SPECC1: variants seen among roughly 807,000 people sequenced by gnomAD.
SPECC1 encodes the protein cytospin-B.
Under a neutral mutation model 104.1 loss-of-function variants are expected in SPECC1, and 62 were observed. The observed-to-expected ratio is 0.60, with a 90% CI of 0.49 to 0.74. The LOEUF (loss-of-function observed/expected upper bound fraction) is 0.74. Among genes scored for constraint, SPECC1 ranks in the 30% least tolerant of loss-of-function variants. The pLI is 0.00. For missense variants in SPECC1, 1,306 were observed against 1,310.5 expected (o/e 1.00, Z 0.05); for synonymous variants, 513 against 501.6 (o/e 1.02, Z -0.30).
intron 12 of SPECC1, among the ~76,000 whole-genome samples, chr17:20,266,988 G>A (rs931751821): frequency 2.0e-5 from 3 of 152,152 alleles, no homozygotes; most frequent in African/African-American, 7.2e-5. Context: ...AGCAGCACTG[G>A]GAAGTGAGCA....
chr17:20,217,382 A>G (rs780025111), intron 4 of SPECC1, among the ~76,000 whole-genome samples: 16 of 151,950 alleles, frequency 1.1e-4, no homozygotes, highest in African/African-American at 2.2e-4. Flanking sequence ...ATGTGAAACA[A>G]CTGCTGATTT....
chr17:20,011,647 A>G (rs1468134258), intron 1 of SPECC1, among the ~76,000 whole-genome samples: 1 of 151,206 alleles, frequency 6.6e-6, no homozygotes, highest in Non-Finnish European at 1.5e-5. Context: ...TCTGTTTTTT[A>G]TCTTTCTACT....
chr17:20,214,080 T>G (rs2037334575), intron 4 of SPECC1, among the ~76,000 whole-genome samples: 2 of 152,124 alleles, frequency 1.3e-5, no homozygotes, highest in Admixed American at 1.3e-4. Context: ...ACCACAAATC[T>G]ATGTTTTGGC....
At chr17:20,203,751 G>T (rs963283828) in intron 3 of SPECC1, among the ~76,000 whole-genome samples, 12 of 152,194 alleles carry the variant, frequency 7.9e-5, no homozygotes, top group Non-Finnish European at 1.2e-4. Context: ...AACATTATCA[G>T]TGCAGATGTA....
intron 3 of SPECC1, chr17:20,185,010 C>T (rs1188053089): frequency 1.3e-5 from 2 of 152,262 alleles, no homozygotes; most frequent in Admixed American, 6.5e-5. Context: ...TAGCTGTCTT[C>T]ACTGTGTTTT....
chr17:20,170,115 A>G (rs749861534), intron 3 of SPECC1, among the ~76,000 whole-genome samples: 5 of 152,154 alleles, frequency 3.3e-5, no homozygotes, highest in African/African-American at 7.2e-5. Flanking sequence ...TCCTCCGTCC[A>G]GTTTGTCCGC....
intron 3 of SPECC1, among the ~76,000 whole-genome samples, chr17:20,198,518 A>T (rs969179758): frequency 5.9e-5 from 9 of 152,238 alleles, no homozygotes; most frequent in Non-Finnish European, 1.3e-4. Context: ...AGTCCTGTAC[A>T]TACCTGACTC....
chr17:20,101,863 G>A (rs943757512), intron 2 of SPECC1, among the ~76,000 whole-genome samples: 8 of 152,162 alleles, frequency 5.3e-5, no homozygotes, highest in African/African-American at 1.9e-4. Flanking sequence ...CACCAGTAAC[G>A]ACCAGATTAT....
chr17:20,201,574 C>A (rs1428695632), intron 3 of SPECC1, among the ~76,000 whole-genome samples: 1 of 152,204 alleles, frequency 6.6e-6, no homozygotes, highest in East Asian at 1.9e-4. Context: ...CCTGGACTCT[C>A]AGGTTTGCCT....
chr17:20,276,480 G>A (rs1353117462), intron 12 of SPECC1, among the ~76,000 whole-genome samples: 1 of 152,152 alleles, frequency 6.6e-6, no homozygotes, highest in African/African-American at 2.4e-5. Context: ...TAAATAGTTT[G>A]GCTTTACATG....
At chr17:20,256,067 TG>T (rs1392566342) in intron 10 of SPECC1, among the ~76,000 whole-genome samples, 1 of 151,712 alleles carries the variant, frequency 6.6e-6, no homozygotes, top group Non-Finnish European at 1.5e-5. Context: ...TTAGTAGAGA[TG>T]GGGTTTCACC....
At chr17:20,273,463 T>TA in intron 12 of SPECC1, among the ~76,000 whole-genome samples, 1 of 79,426 alleles carries the variant, frequency 1.3e-5, no homozygotes, top group Non-Finnish European at 2.1e-5. Flanking sequence ...CGAGACTCTG[T>TA]CAAAAAAAAA....
intron 1 of SPECC1, among the ~76,000 whole-genome samples, chr17:20,054,774 C>G (rs1199963998): frequency 6.6e-6 from 1 of 151,936 alleles, no homozygotes; most frequent in African/African-American, 2.4e-5. Flanking sequence ...CTCAAGCAAG[C>G]CTCCCACCTC....
At chr17:20,133,232 T>TC (rs1455971819) in intron 3 of SPECC1, among the ~76,000 whole-genome samples, 6 of 152,170 alleles carry the variant, frequency 3.9e-5, no homozygotes, top group African/African-American at 9.6e-5. Context: ...TATTTTTTTT[T>TC]CCCATTTCAC....
intron 3 of SPECC1, among the ~76,000 whole-genome samples, chr17:20,133,823 GCTTTGCACTCCGTATTCCCAA>G (rs1447238526): frequency 6.6e-6 from 1 of 152,096 alleles, no homozygotes; most frequent in East Asian, 1.9e-4. Context: ...GCCCCTCCCG[GCTTTGCACTCCGTATTCCCAA>G]CCAGACCAGT....
At chr17:20,014,746 T>C (rs1322560152) in intron 1 of SPECC1, among the ~76,000 whole-genome samples, 1 of 152,176 alleles carries the variant, frequency 6.6e-6, no homozygotes, top group African/African-American at 2.4e-5. Context: ...AATTTAACTA[T>C]TATTTGTCTA....
chr17:20,296,649 A>G (rs1326148174), intron 12 of SPECC1, among the ~76,000 whole-genome samples: 2 of 152,180 alleles, frequency 1.3e-5, no homozygotes, highest in African/African-American at 2.4e-5. Flanking sequence ...CTTCCTATCC[A>G]TGAGCATGGA....
At chr17:20,306,781 A>G (rs1393985844) in intron 14 of SPECC1, among the ~76,000 whole-genome samples, 1 of 152,200 alleles carries the variant, frequency 6.6e-6, no homozygotes, top group Non-Finnish European at 1.5e-5. Flanking sequence ...CCCTTAGTAT[A>G]CTCTTAGATG....
At chr17:20,272,114 C>T (rs563493440) in intron 12 of SPECC1, among the ~76,000 whole-genome samples, 3 of 152,076 alleles carry the variant, frequency 2.0e-5, no homozygotes, top group Non-Finnish European at 4.4e-5. Flanking sequence ...ATGCTAGGCA[C>T]TCACTGCACC....
Sources: allele counts gnomAD v4.1 joint callset (sites outside exome capture counted in the v4.1 genomes callset), GRCh38; gene constraint gnomAD v4.1.1; transcripts MANE v1.5; gene names NCBI Gene and HGNC (gene_info 2026-07-23, HGNC 2026-07-21).